The following GALNT13 variants were observed in gnomAD, a reference collection of about 807,000 sequenced individuals.
The protein encoded by GALNT13 is UDP-GalNAc:polypeptide N-acetylgalactosaminyltransferase 13.
Under a neutral mutation model 64.2 loss-of-function variants are expected in GALNT13, and 28 were observed. The ratio of observed to expected loss-of-function variants is 0.44; its 90% CI spans 0.32 to 0.60. The LOEUF is 0.60. Ranked by LOEUF, GALNT13 falls within the 20% of genes least tolerant of loss-of-function variation. The pLI, the probability that GALNT13 is intolerant of heterozygous loss-of-function variation, is 0.05. For synonymous variants in GALNT13, 214 were observed against 224.6 expected, an observed-to-expected ratio of 0.95 and a Z score of 0.42; for missense variants, 577 against 669.8, an observed-to-expected ratio of 0.86 and a Z score of 1.53.
At chr2:154,238,932 A>G (rs918746117) in intron 4 of GALNT13, among the ~76,000 whole-genome samples, 11 of 152,018 alleles carry the variant, frequency 7.2e-5, no homozygotes, top group Non-Finnish European at 1.3e-4. Flanking sequence ...TGTGCATTAG[A>G]TCTCCAGAAG....
the GALNT13 span, among the ~76,000 whole-genome samples, chr2:153,246,746 G>A: frequency 3.3e-5 from 5 of 152,150 alleles, no homozygotes. Flanking sequence ...CAACTAATGT[G>A]CAAAATAACC....
At chr2:153,072,288 AC>A in the GALNT13 span, among the ~76,000 whole-genome samples, 1 of 152,158 alleles carries the variant, frequency 6.6e-6, no homozygotes, top group South Asian at 2.1e-4. Context: ...AGCAGGATTC[AC>A]CATGTGAGGA....
intron 8 of GALNT13, among the ~76,000 whole-genome samples, chr2:154,290,964 T>G (rs1692585874): frequency 6.6e-6 from 1 of 151,980 alleles, no homozygotes; most frequent in African/African-American, 2.4e-5. Flanking sequence ...CTCGCGGGCT[T>G]CAGGAGTGAA....
At chr2:153,164,012 C>T in the GALNT13 span, among the ~76,000 whole-genome samples, 138 of 133,640 alleles carry the variant, frequency 1.0e-3, no homozygotes, top group Non-Finnish European at 1.8e-3. Flanking sequence ...AGCCAGGCTC[C>T]GTCTCAAAAA....
chr2:153,911,442 C>A (rs1386170776), intron 2 of GALNT13, among the ~76,000 whole-genome samples: 1 of 152,024 alleles, frequency 6.6e-6, no homozygotes, highest in Non-Finnish European at 1.5e-5. Context: ...GGATTTGACC[C>A]TGTCGCAGTG....
the GALNT13 span, among the ~76,000 whole-genome samples, chr2:153,818,760 A>G: frequency 0.88 from 133,748 of 152,156 alleles, 59,580 homozygotes; most frequent in Non-Finnish European, 0.92. Flanking sequence ...TGCCCTCCCC[A>G]GTAAAGGCCC....
chr2:153,577,798 AAT>A, the GALNT13 span, among the ~76,000 whole-genome samples: 2 of 150,996 alleles, frequency 1.3e-5, no homozygotes, highest in African/African-American at 4.8e-5. Flanking sequence ...TTTAAGAATA[AAT>A]ATATTCTATT....
the GALNT13 span, among the ~76,000 whole-genome samples, chr2:153,431,163 CA>C: frequency 6.8e-6 from 1 of 147,922 alleles, no homozygotes; most frequent in African/African-American, 2.5e-5. Context: ...AAAAAAAAAA[CA>C]AAAAAAGTTG....
At chr2:153,521,466 G>T in the GALNT13 span, among the ~76,000 whole-genome samples, 1 of 152,140 alleles carries the variant, frequency 6.6e-6, no homozygotes, top group Admixed American at 6.6e-5. Context: ...GTCTACACAT[G>T]CACAGCCTTT....
intron 11 of GALNT13, chr2:154,436,398 C>G (rs799772): frequency 0.78 from 118,264 of 152,114 alleles, 46,228 homozygotes; most frequent in Middle Eastern, 0.84. Context: ...TATCTTAAGA[C>G]ACTGGAGAAG....
the GALNT13 span, among the ~76,000 whole-genome samples, chr2:153,368,493 G>T: frequency 6.6e-6 from 1 of 152,182 alleles, no homozygotes; most frequent in Non-Finnish European, 1.5e-5. Flanking sequence ...GAGCACCCAA[G>T]CTAAGACACT....
At chr2:153,498,017 T>C in the GALNT13 span, among the ~76,000 whole-genome samples, 1 of 152,224 alleles carries the variant, frequency 6.6e-6, no homozygotes, top group Admixed American at 6.5e-5. Flanking sequence ...AATGGCCAGA[T>C]ACAAGCAAAC....
chr2:153,438,553 C>A, the GALNT13 span, among the ~76,000 whole-genome samples: 1,588 of 152,244 alleles, frequency 0.01, 30 homozygotes, highest in African/African-American at 0.036. Flanking sequence ...CTAAACTTCT[C>A]TTCTTGCTTC....
chr2:154,344,637 C>A (rs761700602), intron 9 of GALNT13, among the ~76,000 whole-genome samples: 1 of 151,840 alleles, frequency 6.6e-6, no homozygotes, highest in South Asian at 2.1e-4. Context: ...TGTGGAGAAA[C>A]AAGACCTAGG....
chr2:153,687,939 A>C, the GALNT13 span, among the ~76,000 whole-genome samples: 2 of 151,986 alleles, frequency 1.3e-5, no homozygotes, highest in Admixed American at 6.6e-5. Flanking sequence ...AATAATATTC[A>C]ATATTTCATA....
chr2:154,168,647 ACATAGTGAAACCT>A, intron 4 of GALNT13, among the ~76,000 whole-genome samples: 1 of 147,134 alleles, frequency 6.8e-6, no homozygotes, highest in East Asian at 2.1e-4. Flanking sequence ...AGCCTGGCCA[ACATAGTGAAACCT>A]CATCTCTACT....
At chr2:154,139,458 C>A (rs1683134552) in intron 3 of GALNT13, among the ~76,000 whole-genome samples, 1 of 151,714 alleles carries the variant, frequency 6.6e-6, no homozygotes, top group Non-Finnish European at 1.5e-5. Flanking sequence ...TATAGCAGAA[C>A]ATTGGAAGAG....
chr2:153,811,223 C>T, the GALNT13 span, among the ~76,000 whole-genome samples: 2 of 152,120 alleles, frequency 1.3e-5, no homozygotes, highest in South Asian at 2.1e-4. Flanking sequence ...CTTTTTATTT[C>T]GATCTAATGA....
the GALNT13 span, among the ~76,000 whole-genome samples, chr2:153,669,693 G>T: frequency 6.6e-6 from 1 of 152,140 alleles, no homozygotes; most frequent in Non-Finnish European, 1.5e-5. Context: ...AGCTCACAGA[G>T]GGAGAGCCAA....
Sources: allele counts gnomAD v4.1 joint callset (sites outside exome capture counted in the v4.1 genomes callset), GRCh38; gene constraint gnomAD v4.1.1; transcripts MANE v1.5; gene names NCBI Gene and HGNC (gene_info 2026-07-23, HGNC 2026-07-21).